OPCML: variants seen among roughly 807,000 people sequenced by gnomAD.
The protein encoded by OPCML is opioid-binding protein/cell adhesion molecule.
Under a neutral mutation model 37.8 loss-of-function variants are expected in OPCML, and 13 were observed. The ratio of observed to expected loss-of-function variants is 0.34; its 90% CI spans 0.22 to 0.55. The LOEUF is 0.55. Ranked by LOEUF, OPCML falls within the 20% of genes least tolerant of loss-of-function variation. The pLI is 0.91. For synonymous variants in OPCML, 176 were observed against 168.8 expected, an observed-to-expected ratio of 1.04 and a Z score of -0.33; for missense variants, 341 against 435.6, an observed-to-expected ratio of 0.78 and a Z score of 1.93.
chr11:132,946,217 T>C (rs1945742061), intron 1 of OPCML, among the ~76,000 whole-genome samples: 1 of 152,168 alleles, frequency 6.6e-6, no homozygotes, highest in Non-Finnish European at 1.5e-5. Flanking sequence ...TCAGGAGCAA[T>C]AACATGCACG....
At chr11:133,193,266 G>T (rs1343518392) in intron 1 of OPCML, among the ~76,000 whole-genome samples, 1 of 152,110 alleles carries the variant, frequency 6.6e-6, no homozygotes, top group Non-Finnish European at 1.5e-5. Flanking sequence ...ATCCTAGGTG[G>T]GCTGGCTTCT....
chr11:133,102,213 A>G (rs568615152), intron 1 of OPCML, among the ~76,000 whole-genome samples: 11 of 152,238 alleles, frequency 7.2e-5, no homozygotes, highest in Non-Finnish European at 1.2e-4. Flanking sequence ...TTGAATAACA[A>G]AGATGTAGTT....
At chr11:133,478,689 T>G (rs1187465995) in intron 1 of OPCML, among the ~76,000 whole-genome samples, 2 of 152,212 alleles carry the variant, frequency 1.3e-5, no homozygotes, top group Non-Finnish European at 2.9e-5. Context: ...ACCTAAACTA[T>G]AGACAAACTA....
At chr11:133,106,538 C>T (rs1440279908) in intron 1 of OPCML, among the ~76,000 whole-genome samples, 1 of 152,178 alleles carries the variant, frequency 6.6e-6, no homozygotes, top group East Asian at 1.9e-4. Flanking sequence ...TAAGGAACTA[C>T]ATAATTGTGT....
At chr11:132,965,812 T>A (rs1413833123) in intron 1 of OPCML, among the ~76,000 whole-genome samples, 1 of 152,340 alleles carries the variant, frequency 6.6e-6, no homozygotes, top group South Asian at 2.1e-4. Flanking sequence ...ATTACAGGCA[T>A]GAGCCATTGA....
chr11:133,075,479 G>A (rs1002133754), intron 1 of OPCML, among the ~76,000 whole-genome samples: 1 of 152,152 alleles, frequency 6.6e-6, no homozygotes, highest in Admixed American at 6.5e-5. Context: ...TGAGCGGTGG[G>A]GACGCTGCCG....
chr11:133,203,883 C>T (rs986331239), intron 1 of OPCML, among the ~76,000 whole-genome samples: 2 of 151,502 alleles, frequency 1.3e-5, no homozygotes, highest in African/African-American at 4.8e-5. Context: ...ACGGTGAAAC[C>T]CCATCTCTAC....
At chr11:133,246,717 T>A (rs945283349) in intron 1 of OPCML, among the ~76,000 whole-genome samples, 14 of 152,206 alleles carry the variant, frequency 9.2e-5, no homozygotes, top group African/African-American at 3.4e-4. Context: ...GTTTTTTGAG[T>A]AAGGAACTAT....
rs537235496 is a variant in OPCML, at chr11:132,461,293, G to A, written c.506-23934C>T. On this transcript the variant is annotated intron_variant, in intron 4 of 7. Coordinates refer to ENST00000524381, the MANE Select transcript of OPCML (RefSeq NM_001012393.5). ...CAACCAAGCATATGGAGGAAAGAGG[G>A]GCTGCAGGCTGAGTTGACCACCAAT... Among the ~76,000 whole-genome samples the A allele has an allele frequency of 2.6e-5, 4 of 152,100 alleles. No individual in the cohort carries two copies. The East Asian group carries it at 7.7e-4, about 29-fold the overall frequency.
intron 1 of OPCML, chr11:133,422,405 G>C: frequency 1.1e-6 from 1 of 899,786 alleles, no homozygotes; most frequent in Non-Finnish European, 1.3e-6. Flanking sequence ...GTATATATGC[G>C]CCAGTTCAAA....
At chr11:132,514,594 C>G (rs1565628215) in intron 4 of OPCML, among the ~76,000 whole-genome samples, 3 of 152,118 alleles carry the variant, frequency 2.0e-5, no homozygotes, top group Admixed American at 6.6e-5. Flanking sequence ...CTTCTTTACT[C>G]CTTAGACAGA....
At chr11:132,525,914 A>G (rs2096307156) in intron 4 of OPCML, 1 of 152,208 alleles carries the variant, frequency 6.6e-6, no homozygotes, top group Admixed American at 6.6e-5. Context: ...AATGTCATTG[A>G]GAGAGGGAAG....
intron 1 of OPCML, among the ~76,000 whole-genome samples, chr11:133,031,590 G>A (rs1947674561): frequency 6.6e-6 from 1 of 151,662 alleles, no homozygotes; most frequent in Non-Finnish European, 1.5e-5. Flanking sequence ...GAATGGATGG[G>A]TGGTGGATGG....
At chr11:132,745,918 A>G (rs1170658492) in intron 2 of OPCML, among the ~76,000 whole-genome samples, 1 of 152,188 alleles carries the variant, frequency 6.6e-6, no homozygotes, top group Non-Finnish European at 1.5e-5. Context: ...ATGGGCCTGC[A>G]TAGCGGGCAG....
intron 2 of OPCML, among the ~76,000 whole-genome samples, chr11:132,790,812 C>T (rs1937855778): frequency 6.6e-6 from 1 of 152,142 alleles, no homozygotes; most frequent in Admixed American, 6.6e-5. Flanking sequence ...AAATGCCTTC[C>T]AATATTTTGG....
chr11:133,520,740 G>A (rs980956837), intron 1 of OPCML, among the ~76,000 whole-genome samples: 7 of 152,244 alleles, frequency 4.6e-5, no homozygotes, highest in South Asian at 2.1e-4. Context: ...TGGTCTTCAC[G>A]GAGCCAGAGA....
chr11:133,007,069 G>A (rs1947128034), intron 1 of OPCML: 3 of 985,298 alleles, frequency 3.0e-6, no homozygotes, highest in Non-Finnish European at 2.4e-6. Context: ...TCCAGACTTT[G>A]AGACCAGATG....
intron 1 of OPCML, among the ~76,000 whole-genome samples, chr11:132,966,714 G>C (rs1946222211): frequency 6.6e-6 from 1 of 151,818 alleles, no homozygotes; most frequent in Non-Finnish European, 1.5e-5. Flanking sequence ...TATTTGCTTG[G>C]TATATTTTGG....
intron 1 of OPCML, among the ~76,000 whole-genome samples, chr11:133,070,139 A>G (rs1331893652): frequency 6.6e-6 from 1 of 152,210 alleles, no homozygotes; most frequent in Non-Finnish European, 1.5e-5. Flanking sequence ...GATTTAGGAT[A>G]TATTACCTCG....
Sources: allele counts gnomAD v4.1 joint callset (sites outside exome capture counted in the v4.1 genomes callset), GRCh38; gene constraint gnomAD v4.1.1; transcripts MANE v1.5; gene names NCBI Gene and HGNC (gene_info 2026-07-23, HGNC 2026-07-21).